TTC7B: variants seen among roughly 807,000 people sequenced by gnomAD.
TTC7B encodes the protein tetratricopeptide repeat protein 7B.
TTC7B carries 28 observed loss-of-function variants against 106.8 expected under a neutral mutation model. That is an observed-to-expected ratio of 0.26 (90% CI 0.19 to 0.36). TTC7B has a LOEUF of 0.36. Among genes scored for constraint, TTC7B ranks in the 10% least tolerant of loss-of-function variants. TTC7B has a pLI of 1.00. For synonymous variants in TTC7B, 405 were observed against 430.6 expected (o/e 0.94, Z 0.74); for missense variants, 862 against 1,076.4 (o/e 0.80, Z 2.79).
At chr14:90,763,395 A>G (rs1890567019) in intron 3 of TTC7B, among the ~76,000 whole-genome samples, 1 of 152,250 alleles carries the variant, frequency 6.6e-6, no homozygotes, top group African/African-American at 2.4e-5. Context: ...AAGGCTATCT[A>G]TGAAAACGCC....
chr14:90,706,010 C>T (rs1467169753), intron 5 of TTC7B, among the ~76,000 whole-genome samples: 2 of 152,154 alleles, frequency 1.3e-5, no homozygotes, highest in East Asian at 3.9e-4. Flanking sequence ...AATTCAGGGT[C>T]GATCCCTTTG....
chr14:90,664,118 G>A (rs149615926), intron 9 of TTC7B, among the ~76,000 whole-genome samples: 340 of 152,200 alleles, frequency 2.2e-3, no homozygotes, highest in Middle Eastern at 6.8e-3. Flanking sequence ...CACAACCGTC[G>A]CCCCTTAGGC....
rs1890411511 is a variant in TTC7B, at chr14:90,759,019, A to G, written c.446-14097T>C. Among the ~76,000 whole-genome samples, 1 of 152,224 alleles carries G rather than the reference A, an allele frequency of 6.6e-6. No homozygotes were observed. The highest frequency in any genetic ancestry group is 1.5e-5 in the Non-Finnish European group (1 of 68,032). The stretch of plus-strand genomic sequence containing the variant: ...CCTGGCACACAGTAGGCACTCAACA[A>G]ACCGTTCCTCTGTCTGTCTTGAGAG... On this transcript the variant is annotated intron_variant, in intron 3 of 19. Coordinates refer to ENST00000328459, the MANE Select transcript of TTC7B (RefSeq NM_001010854.2). This position sits in a 1 kb window ranked among gnomAD's most constrained non-coding sequence, Gnocchi z 4.1.
intron 17 of TTC7B, among the ~76,000 whole-genome samples, chr14:90,599,359 G>C (rs753563563): frequency 1.3e-5 from 2 of 152,154 alleles, no homozygotes; most frequent in African/African-American, 4.8e-5. Context: ...ACAGCACATA[G>C]AAGATGAGCT....
At chr14:90,543,855 C>G (rs1173513731) in intron 19 of TTC7B, among the ~76,000 whole-genome samples, 1 of 152,236 alleles carries the variant, frequency 6.6e-6, no homozygotes, top group Non-Finnish European at 1.5e-5. Context: ...CAGGCCCCAG[C>G]TTCACCAACA....
chr14:90,682,336 T>C lies in TTC7B; in HGVS notation c.951-1801A>G, dbSNP rs151061621. On this transcript the variant is annotated intron_variant, in intron 7 of 19. Transcript: ENST00000328459. ...CACATTAACCGAATCCAGCTCCACT[T>C]CCTCTACCCTCCCTATTTGTGGCAG... 2.6e-3 allele frequency among the ~76,000 whole-genome samples: 394 copies of C among 152,244 alleles called. 4 individuals carry two copies. Among genetic ancestry groups the C allele is most frequent in the African/African-American group, 8.9e-3 (370 of 41,538 alleles).
chr14:90,794,203 G>T (rs1265576916), intron 1 of TTC7B, among the ~76,000 whole-genome samples: 1 of 140,118 alleles, frequency 7.1e-6, no homozygotes, highest in African/African-American at 2.5e-5. Flanking sequence ...GCACCTGGCT[G>T]GGTATTTCTT....
chr14:90,802,748 C>T lies in TTC7B; in HGVS notation c.121+13427G>A, dbSNP rs979742687. 2.0e-5 allele frequency among the ~76,000 whole-genome samples: 3 copies of T among 152,016 alleles called. No individual in the cohort carries two copies. The highest frequency in any genetic ancestry group is 4.4e-5 in the Non-Finnish European group (3 of 68,000). On this transcript the variant is annotated intron_variant, in intron 1 of 19. Coordinates refer to ENST00000328459, the MANE Select transcript of TTC7B (RefSeq NM_001010854.2). This position sits in a 1 kb window ranked among gnomAD's most constrained non-coding sequence, Gnocchi z 4.7. Reference sequence around the variant, plus strand: ...CGGGTACTCCCCAGGGACGCTGCTGCGCAGGTGCAGGCGTGGAGAGGCAGA... The same window carrying T: ...CGGGTACTCCCCAGGGACGCTGCTGTGCAGGTGCAGGCGTGGAGAGGCAGA...
chr14:90,634,021 C>A (rs112361282), intron 15 of TTC7B, among the ~76,000 whole-genome samples: 55 of 152,094 alleles, frequency 3.6e-4, no homozygotes, highest in African/African-American at 1.3e-3. Flanking sequence ...GGATTACAGG[C>A]ATGCACCAAC....
intron 3 of TTC7B, among the ~76,000 whole-genome samples, chr14:90,771,918 A>G (rs1230335309): frequency 6.8e-6 from 1 of 146,100 alleles, no homozygotes; most frequent in African/African-American, 2.5e-5. Context: ...TCTTTATTTT[A>G]TATATAAATA....
intron 5 of TTC7B, chr14:90,697,312 T>A (rs1887793439): frequency 1.3e-5 from 2 of 152,170 alleles, no homozygotes. Context: ...AAGCACAGAA[T>A]TTTCCAGCTA....
In TTC7B at chr14:90,694,907, CAT is replaced by C. The variant is rs1887643951; in HGVS notation, c.777+591_777+592del. ...ATATATTTATAACACATATATGTCACATATATTTATTATAAATATATGTATAA... is the reference window on the plus strand; with the variant it reads ...ATATATTTATAACACATATATGTCACATATTTATTATAAATATATGTATAA... On this transcript the variant is annotated intron_variant, in intron 6 of 19. Transcript: ENST00000328459. Among the ~76,000 whole-genome samples, 7 of 49,396 alleles carry C rather than the reference CAT, an allele frequency of 1.4e-4. No homozygotes were observed. The South Asian group carries it at 4.6e-3, about 33-fold the overall frequency. The allele number at this position is 49,396 out of a possible 152,430, so 32.4% of individuals were successfully genotyped here. A position where few individuals can be genotyped will look rare whatever the true frequency, so the allele number is the denominator to read the frequency against.
chr14:90,559,082 T>C (rs1245046242), intron 19 of TTC7B, among the ~76,000 whole-genome samples: 2 of 152,238 alleles, frequency 1.3e-5, no homozygotes, highest in Non-Finnish European at 2.9e-5. Flanking sequence ...TAGAGCCATT[T>C]CCTCAAAACC....
At chr14:90,558,959 G>A (rs1890450581) in intron 19 of TTC7B, among the ~76,000 whole-genome samples, 1 of 152,246 alleles carries the variant, frequency 6.6e-6, no homozygotes, top group African/African-American at 2.4e-5. Flanking sequence ...CTGCATAGGG[G>A]CGCGGAAATG....
At position 90,662,138 on chromosome 14, in the gene TTC7B, G is replaced by C. The variant is rs887979031; in HGVS notation, c.1153-3751C>G. Reference sequence around the variant, plus strand: ...TTCAAAACTCTTCTGATTTTGGCAGGGGGGACGAGCAGGCACTCCCAAGAA... The same window carrying C: ...TTCAAAACTCTTCTGATTTTGGCAGCGGGGACGAGCAGGCACTCCCAAGAA... On this transcript the variant is annotated intron_variant, in intron 9 of 19. Coordinates refer to ENST00000328459, the MANE Select transcript of TTC7B (RefSeq NM_001010854.2). Among the ~76,000 whole-genome samples, 10 of 152,312 alleles carry C rather than the reference G, an allele frequency of 6.6e-5. No individual in the cohort carries two copies. In the East Asian group the frequency reaches 1.9e-3, roughly 29 times the overall value.
At chr14:90,787,151 T>C (rs1283421332) in intron 1 of TTC7B, among the ~76,000 whole-genome samples, 1 of 152,236 alleles carries the variant, frequency 6.6e-6, no homozygotes. Flanking sequence ...TGTTCGTCTG[T>C]TTCTGTCTAA....
At chr14:90,602,391 T>C (rs1342308268) in intron 17 of TTC7B, among the ~76,000 whole-genome samples, 1 of 152,222 alleles carries the variant, frequency 6.6e-6, no homozygotes, top group Non-Finnish European at 1.5e-5. Context: ...AAGTCACTAA[T>C]GACTTAAACA....
At chr14:90,563,269 C>G (rs1295622602) in intron 19 of TTC7B, among the ~76,000 whole-genome samples, 1 of 152,162 alleles carries the variant, frequency 6.6e-6, no homozygotes, top group Non-Finnish European at 1.5e-5. Context: ...CTCGGAGCTA[C>G]CACAGGTGCA....
chr14:90,696,347 G>T (rs1887746847), intron 5 of TTC7B, among the ~76,000 whole-genome samples: 1 of 152,180 alleles, frequency 6.6e-6, no homozygotes. Flanking sequence ...CCAGCCTGCT[G>T]AGCTGGGAAC....
Sources: allele counts gnomAD v4.1 joint callset (sites outside exome capture counted in the v4.1 genomes callset), GRCh38; gene constraint gnomAD v4.1.1; non-coding constraint Gnocchi (gnomAD v3.1); transcripts MANE v1.5; gene names NCBI Gene and HGNC (gene_info 2026-07-23, HGNC 2026-07-21).